SLC28A1: variants seen among roughly 807,000 people sequenced by gnomAD.
The protein encoded by SLC28A1 is solute carrier family 28 member 1.
In SLC28A1, 64 loss-of-function variants were observed where a neutral mutation model predicts 74.8. The observed-to-expected ratio is 0.86, with a 90% confidence interval of 0.70 to 1.05. SLC28A1 has a LOEUF of 1.05. Among genes scored for constraint, SLC28A1 ranks in the 50% least tolerant of loss-of-function variants. The pLI is 0.00. For synonymous variants in SLC28A1, 359 were observed against 335.0 expected, an observed-to-expected ratio of 1.07 and a Z score of -0.78; for missense variants, 828 against 822.8, an observed-to-expected ratio of 1.01 and a Z score of -0.08.
chr15:84,944,610 C>T lies in SLC28A1; in HGVS notation c.1708C>T (p.Leu570Phe). 1 of 1,614,096 alleles carries T rather than the reference C, an allele frequency of 6.2e-7. No individual in the cohort carries two copies. Among genetic ancestry groups the T allele is most frequent in the Non-Finnish European group, 8.5e-7 (1 of 1,179,934 alleles). The stretch of plus-strand genomic sequence containing the variant: ...GAAGAGCGACTTCTCCCAGATAGTG[C>T]TCCGGGCGCTCTTCACGGGAGCCTG... ...QRKSDFSQIV[L>F]RALFTGACVS... The change falls in exon 17 of 19, where the codon CTC becomes TTC. Residue 570 changes from leucine (L) to phenylalanine (F), a missense_variant. By Grantham distance (22) the Leu-to-Phe change is conservative. Around this residue, in one of 3 missense-constraint regions of SLC28A1, gnomAD observed 767 missense variants for 753.5 expected, o/e 1.02. Coordinates refer to ENST00000394573, the MANE Select transcript of SLC28A1 (RefSeq NM_004213.5).
At chr15:84,965,792 TTTCC>T in the SLC28A1 span, among the ~76,000 whole-genome samples, 1 of 152,002 alleles carries the variant, frequency 6.6e-6, no homozygotes, top group East Asian at 1.9e-4. Context: ...TCCCTTCCTC[TTTCC>T]TTCTGGCTAG....
chr15:84,944,871 A>AG lies in SLC28A1; in HGVS notation c.1874+7dup, dbSNP rs376858510. ...GCTGCCGTGAGGCCTTCCAGAGGTG[A>AG]GGGCCTGGGCTGTGGGACCTGCAGG... is the stretch of plus-strand genomic sequence containing the variant. On this transcript the variant is annotated splice_donor_region_variant and intron_variant, in intron 18 of 18. Transcript: ENST00000394573. 3.3e-3 allele frequency: 5,294 copies of AG among 1,601,802 alleles called. 212 individuals carry two copies. In the South Asian group the frequency reaches 0.053, roughly 16 times the overall value.
chr15:84,890,545 G>A lies in SLC28A1; in HGVS notation c.277+11G>A. ...GCCTGCTCTGCACTGGTGAGCCTGG[G>A]GCCCAGCACTACCCAGGACACAATG... On this transcript the variant is annotated intron_variant, in intron 5 of 18. Transcript: ENST00000394573. 6.2e-7 allele frequency: 1 copy of A among 1,601,412 alleles called. No homozygotes were observed. Among genetic ancestry groups the A allele is most frequent in the Non-Finnish European group, 8.5e-7 (1 of 1,172,380 alleles).
the SLC28A1 span, among the ~76,000 whole-genome samples, chr15:84,968,805 C>A: frequency 6.6e-6 from 1 of 152,204 alleles, no homozygotes; most frequent in African/African-American, 2.4e-5. Context: ...GATATCTCAT[C>A]CCCAAAGTTC....
At chr15:84,953,001 A>G in the SLC28A1 span, among the ~76,000 whole-genome samples, 3 of 152,252 alleles carry the variant, frequency 2.0e-5, no homozygotes, top group Admixed American at 1.3e-4. Context: ...AGAGGAGTCC[A>G]TTGTTTATAT....
At chr15:84,952,054 G>A in the SLC28A1 span, among the ~76,000 whole-genome samples, 1 of 152,150 alleles carries the variant, frequency 6.6e-6, no homozygotes, top group East Asian at 1.9e-4. Flanking sequence ...TGATCCACTG[G>A]TAAGTGTGGC....
At chr15:84,954,559 A>G in the SLC28A1 span, among the ~76,000 whole-genome samples, 4 of 152,170 alleles carry the variant, frequency 2.6e-5, no homozygotes, top group Non-Finnish European at 4.4e-5. Flanking sequence ...AGATATTATT[A>G]TCCCCATTTT....
Position 84,935,369 on chromosome 15 carries a change from G to A in SLC28A1, c.1432G>A (p.Ala478Thr). Residue 478 changes from alanine to threonine, a missense_variant, in exon 15 of 19, where the codon GCG (alanine) becomes ACG (threonine). By Grantham distance (58) the Ala-to-Thr change is moderately conservative. Transcript: ENST00000394573. ...LRPVAFLMGV[A>T]WEDCPVVAEL... ...GCCTGTAGCCTTCTTGATGGGTGTGGCGTGGGAGGACTGCCCAGTGGTAGC... is the reference window on the plus strand; with the variant it reads ...GCCTGTAGCCTTCTTGATGGGTGTGACGTGGGAGGACTGCCCAGTGGTAGC... 4 of 1,614,238 alleles carry A rather than the reference G, an allele frequency of 2.5e-6. No individual in the cohort carries two copies. Among genetic ancestry groups the A allele is most frequent in the Non-Finnish European group, 3.4e-6 (4 of 1,180,042 alleles).
chr15:84,966,236 C>T, the SLC28A1 span, among the ~76,000 whole-genome samples: 1 of 152,120 alleles, frequency 6.6e-6, no homozygotes. Context: ...CACCACCATG[C>T]CCAGCTAATT....
chr15:84,889,903 G>A (rs1245985731), intron 4 of SLC28A1, among the ~76,000 whole-genome samples: 1 of 148,684 alleles, frequency 6.7e-6, no homozygotes, highest in Non-Finnish European at 1.5e-5. Context: ...TGCCTGGGCT[G>A]GAGTGCAGTG....
chr15:84,926,667 C>G (rs1442944245), intron 12 of SLC28A1: 2 of 386,714 alleles, frequency 5.2e-6, no homozygotes, highest in African/African-American at 4.3e-5. Context: ...GGGTAAGTTG[C>G]CCCACACAAG....
intron 9 of SLC28A1, among the ~76,000 whole-genome samples, chr15:84,915,627 A>T (rs1443702202): frequency 6.6e-6 from 1 of 152,070 alleles, no homozygotes; most frequent in Admixed American, 6.6e-5. Context: ...CACCTAGATC[A>T]TGGGTGCCTC....
chr15:84,907,257 C>G (rs955266339), intron 8 of SLC28A1, among the ~76,000 whole-genome samples: 1 of 152,154 alleles, frequency 6.6e-6, no homozygotes, highest in Non-Finnish European at 1.5e-5. Flanking sequence ...GGAGCTCAGT[C>G]TAAACTAATG....
At chr15:84,885,151 G>T (rs868276750) in intron 1 of SLC28A1, among the ~76,000 whole-genome samples, 1 of 151,738 alleles carries the variant, frequency 6.6e-6, no homozygotes, top group Admixed American at 6.6e-5. Context: ...TAGAGACGGG[G>T]TTTCACCATG....
chr15:84,887,531 A>C, intron 2 of SLC28A1: 3 of 985,304 alleles, frequency 3.0e-6, no homozygotes, highest in Non-Finnish European at 3.6e-6. Context: ...AAAAAGGAAG[A>C]GGTACCTCCT....
chr15:84,922,863 C>T (rs1970006374), intron 11 of SLC28A1, among the ~76,000 whole-genome samples: 1 of 152,258 alleles, frequency 6.6e-6, no homozygotes, highest in South Asian at 2.1e-4. Context: ...AACCATGTCA[C>T]TGGCTCCTTC....
chr15:84,930,213 C>A (rs1300406789), intron 12 of SLC28A1, among the ~76,000 whole-genome samples: 1 of 152,234 alleles, frequency 6.6e-6, no homozygotes, highest in Non-Finnish European at 1.5e-5. Context: ...GGGTCAGGGT[C>A]CTGCCTGGTG....
At chr15:84,970,450 G>A in the SLC28A1 span, among the ~76,000 whole-genome samples, 2 of 152,266 alleles carry the variant, frequency 1.3e-5, no homozygotes, top group African/African-American at 4.8e-5. Context: ...GTCTATACAG[G>A]ACAGGAAGAA....
the SLC28A1 span, among the ~76,000 whole-genome samples, chr15:84,952,676 G>A: frequency 1.5e-4 from 23 of 152,178 alleles, 2 homozygotes; most frequent in South Asian, 3.3e-3. Flanking sequence ...GCTTGAGCCC[G>A]GGAGTTTGAG....
Sources: gnomAD v4.1 joint callset for allele counts (sites outside exome capture counted in the v4.1 genomes callset) on GRCh38, gnomAD v4.1.1 for gene constraint, gnomAD v4.1.1 regional missense constraint, MANE v1.5 for transcripts, NCBI Gene and HGNC (gene_info 2026-07-23, HGNC 2026-07-21) for gene names.